The following ODAD2 variants were observed in gnomAD, a reference collection of about 807,000 sequenced individuals.
ODAD2 encodes outer dynein arm-docking complex subunit 2.
ODAD2 carries 89 observed loss-of-function variants against 106.8 expected under a neutral mutation model. The ratio of observed to expected loss-of-function variants is 0.83; its 90% CI spans 0.70 to 0.99. ODAD2 has a LOEUF of 0.99. Among genes scored for constraint, ODAD2 ranks in the 50% least tolerant of loss-of-function variants. The pLI, the probability that ODAD2 is intolerant of heterozygous loss-of-function variation, is 0.00. For synonymous variants in ODAD2, 404 were observed against 436.2 expected, an observed-to-expected ratio of 0.93 and a Z score of 0.92; for missense variants, 1,168 against 1,238.5, an observed-to-expected ratio of 0.94 and a Z score of 0.85.
chr10:27,930,722 G>T (rs1289532483), intron 16 of ODAD2, among the ~76,000 whole-genome samples: 1 of 151,710 alleles, frequency 6.6e-6, no homozygotes, highest in African/African-American at 2.4e-5. Flanking sequence ...TAACAGCCTT[G>T]TGACTTTAAG....
chr10:27,994,662 G>A (rs1248510115), intron 2 of ODAD2, among the ~76,000 whole-genome samples: 1 of 152,062 alleles, frequency 6.6e-6, no homozygotes, highest in African/African-American at 2.4e-5. Context: ...CCTGGATAAC[G>A]GATGCCCTGT....
At chr10:27,925,398 C>T (rs887292155) in intron 16 of ODAD2, among the ~76,000 whole-genome samples, 5 of 152,204 alleles carry the variant, frequency 3.3e-5, no homozygotes, top group African/African-American at 1.2e-4. Context: ...CACTCTGTCA[C>T]CCAGGCTGGA....
intron 16 of ODAD2, among the ~76,000 whole-genome samples, chr10:27,931,233 T>G (rs1845596620): frequency 6.6e-6 from 1 of 152,218 alleles, no homozygotes; most frequent in African/African-American, 2.4e-5. Flanking sequence ...GTCAGCATAT[T>G]ACATATGGGT....
intron 19 of ODAD2, among the ~76,000 whole-genome samples, chr10:27,852,950 GAC>G (rs1288844587): frequency 9.6e-6 from 1 of 104,464 alleles, no homozygotes; most frequent in East Asian, 2.7e-4. Context: ...GACAGAACGA[GAC>G]ACAGTCTCAA....
chr10:27,948,054 C>T (rs114247130), intron 10 of ODAD2, among the ~76,000 whole-genome samples: 2,905 of 152,186 alleles, frequency 0.019, 40 homozygotes, highest in South Asian at 0.025. Flanking sequence ...AAATTCATAA[C>T]GGCCATTTAA....
chr10:27,956,401 A>G (rs931909437), intron 10 of ODAD2, among the ~76,000 whole-genome samples: 1 of 152,166 alleles, frequency 6.6e-6, no homozygotes, highest in African/African-American at 2.4e-5. Context: ...TGAGCCCTAG[A>G]GGCCTCCATC....
At chr10:27,816,922 G>A (rs1013070183) in intron 19 of ODAD2, among the ~76,000 whole-genome samples, 2 of 152,000 alleles carry the variant, frequency 1.3e-5, no homozygotes, top group African/African-American at 4.8e-5. Flanking sequence ...GCTAATTTTT[G>A]TATTTTTAGT....
chr10:27,869,475 T>G (rs1840694236), intron 17 of ODAD2, among the ~76,000 whole-genome samples: 1 of 147,014 alleles, frequency 6.8e-6, no homozygotes, highest in Admixed American at 6.8e-5. Context: ...CTTCTGGACT[T>G]AAAAAAAAAA....
intron 9 of ODAD2, among the ~76,000 whole-genome samples, chr10:27,965,172 T>G (rs989620514): frequency 1.3e-5 from 2 of 152,042 alleles, no homozygotes; most frequent in African/African-American, 2.4e-5. Context: ...TGATAATGGA[T>G]CCATAGAAAA....
chr10:27,906,334 T>C (rs999140806), intron 17 of ODAD2, among the ~76,000 whole-genome samples: 1 of 152,204 alleles, frequency 6.6e-6, no homozygotes, highest in Non-Finnish European at 1.5e-5. Flanking sequence ...CCAGTTAGAA[T>C]GGCAATCACT....
chr10:27,874,698 C>T (rs1438282792), intron 17 of ODAD2, among the ~76,000 whole-genome samples: 2 of 152,174 alleles, frequency 1.3e-5, no homozygotes, highest in East Asian at 3.8e-4. Context: ...TCCCTTTTGT[C>T]TTGTAGGGTT....
chr10:27,870,643 T>C (rs1840800699), intron 17 of ODAD2, among the ~76,000 whole-genome samples: 2 of 152,120 alleles, frequency 1.3e-5, no homozygotes, highest in South Asian at 4.1e-4. Context: ...CTGAGAATGA[T>C]GGTTTCCAGC....
chr10:27,985,052 T>C lies in ODAD2; in HGVS notation c.542A>G (p.His181Arg). ...IAMLLKQLDL[H>R]LLNHSLKHIS... is the part of the protein sequence containing the mutation. ...ATGTTTTAGAGAATGATTGAGGAGG[T>C]GCAGATCCAATTGCTTAAGCAGCAT... is the stretch of plus-strand genomic sequence containing the variant. The change falls in exon 4 of 20, where the codon CAC becomes CGC. Residue 181 changes from histidine to arginine, a missense_variant. By Grantham distance (29) the His-to-Arg change is conservative (BLOSUM62 0). Around this residue, in one of 3 missense-constraint regions of ODAD2, gnomAD observed 430 missense variants for 452.2 expected, o/e 0.95. Transcript: ENST00000305242. 1 of 1,608,812 alleles carries C rather than the reference T, an allele frequency of 6.2e-7. No individual in the cohort carries two copies. Among genetic ancestry groups the C allele is most frequent in the East Asian group, 2.2e-5 (1 of 44,792 alleles).
intron 17 of ODAD2, among the ~76,000 whole-genome samples, chr10:27,869,355 T>TA (rs979674166): frequency 2.5e-4 from 38 of 151,624 alleles, no homozygotes; most frequent in African/African-American, 8.2e-4. Context: ...AAATCTAGAA[T>TA]AAAAAAATCT....
chr10:27,934,463 T>G (rs1283445020), intron 16 of ODAD2, among the ~76,000 whole-genome samples: 3 of 150,014 alleles, frequency 2.0e-5, no homozygotes, highest in Admixed American at 6.7e-5. Flanking sequence ...ATAGATATAT[T>G]TATTTATATA....
At chr10:27,928,330 C>A (rs1196157436) in intron 16 of ODAD2, among the ~76,000 whole-genome samples, 1 of 152,122 alleles carries the variant, frequency 6.6e-6, no homozygotes, top group Middle Eastern at 3.2e-3. Context: ...TCTCTTCCAT[C>A]ATAGGTCTTT....
intron 10 of ODAD2, among the ~76,000 whole-genome samples, chr10:27,945,906 G>A (rs1846882292): frequency 6.9e-6 from 1 of 144,356 alleles, no homozygotes; most frequent in African/African-American, 2.9e-5. Context: ...TAATAGACAA[G>A]CCTTTGATCC....
At chr10:27,883,921 G>A (rs1186930968) in intron 17 of ODAD2, among the ~76,000 whole-genome samples, 2 of 151,564 alleles carry the variant, frequency 1.3e-5, no homozygotes, top group Non-Finnish European at 2.9e-5. Context: ...CATAGCTTCA[G>A]AGACCTGGGG....
chr10:27,829,450 T>G (rs1259314394), intron 19 of ODAD2, among the ~76,000 whole-genome samples: 1 of 152,204 alleles, frequency 6.6e-6, no homozygotes, highest in Non-Finnish European at 1.5e-5. Flanking sequence ...TGATATCAAG[T>G]GTATCTTCAG....
Sources: allele counts gnomAD v4.1 joint callset (sites outside exome capture counted in the v4.1 genomes callset), GRCh38; gene constraint gnomAD v4.1.1; regional missense constraint gnomAD v4.1.1; transcripts MANE v1.5; gene names NCBI Gene and HGNC (gene_info 2026-07-23, HGNC 2026-07-21).